The following TAFA2 variants were observed in gnomAD, a reference collection of about 807,000 sequenced individuals.
TAFA2 encodes chemokine-like protein TAFA-2.
A neutral mutation model predicts 18.8 loss-of-function variants in TAFA2; 7 were observed. That is an observed-to-expected ratio of 0.37 (90% CI 0.21 to 0.70). TAFA2 has a LOEUF of 0.70. Among genes scored for constraint, TAFA2 ranks in the 30% least tolerant of loss-of-function variants. TAFA2 has a pLI of 0.53. For missense variants in TAFA2, 122 were observed against 158.1 expected, an observed-to-expected ratio of 0.77 and a Z score of 1.23; for synonymous variants, 60 against 54.2, an observed-to-expected ratio of 1.11 and a Z score of -0.47.
At chr12:62,150,474 C>T (rs1302081263) in intron 1 of TAFA2, among the ~76,000 whole-genome samples, 1 of 152,138 alleles carries the variant, frequency 6.6e-6, no homozygotes, top group Non-Finnish European at 1.5e-5. Context: ...GACTGAGCCC[C>T]TCTTCCAACC....
intron 1 of TAFA2, among the ~76,000 whole-genome samples, chr12:62,099,700 A>G (rs1869104698): frequency 6.6e-6 from 1 of 152,174 alleles, no homozygotes; most frequent in Non-Finnish European, 1.5e-5. Context: ...AGAGCCAGCA[A>G]TATGCCAGGC....
At chr12:61,812,779 A>G (rs999344886) in intron 2 of TAFA2, among the ~76,000 whole-genome samples, 1 of 151,162 alleles carries the variant, frequency 6.6e-6, no homozygotes, top group Non-Finnish European at 1.5e-5. Flanking sequence ...CATGTTGGTC[A>G]GGCTGGTCTT....
At chr12:61,970,336 G>C (rs1297199360) in intron 1 of TAFA2, among the ~76,000 whole-genome samples, 3 of 151,454 alleles carry the variant, frequency 2.0e-5, no homozygotes, top group South Asian at 2.1e-4. Flanking sequence ...ATTCATATCT[G>C]ATTTTTTTGG....
chr12:61,823,009 T>C (rs1050767730), intron 2 of TAFA2, among the ~76,000 whole-genome samples: 1 of 152,166 alleles, frequency 6.6e-6, no homozygotes, highest in Non-Finnish European at 1.5e-5. Flanking sequence ...CAGAGTTTTA[T>C]CAAACATAGG....
intron 1 of TAFA2, among the ~76,000 whole-genome samples, chr12:62,059,885 A>T (rs348666): frequency 0.83 from 125,793 of 152,172 alleles, 52,173 homozygotes; most frequent in Middle Eastern, 0.87. Flanking sequence ...TTTAATTTGA[A>T]CTTTTATTTC....
intron 1 of TAFA2, among the ~76,000 whole-genome samples, chr12:62,066,973 T>C (rs1206990800): frequency 6.6e-6 from 1 of 152,034 alleles, no homozygotes; most frequent in Non-Finnish European, 1.5e-5. Flanking sequence ...TCCTCAGCAT[T>C]TGTTATTGCT....
intron 4 of TAFA2, among the ~76,000 whole-genome samples, chr12:61,744,109 T>G (rs991749871): frequency 2.6e-5 from 4 of 152,120 alleles, no homozygotes; most frequent in African/African-American, 9.7e-5. Flanking sequence ...CCTGACAGAA[T>G]TTTATCTATC....
intron 1 of TAFA2, among the ~76,000 whole-genome samples, chr12:62,049,413 C>T (rs548126113): frequency 2.2e-4 from 33 of 152,196 alleles, no homozygotes; most frequent in Non-Finnish European, 2.6e-4. Flanking sequence ...ATTACTCAGG[C>T]AAGAAGTACC....
intron 1 of TAFA2, among the ~76,000 whole-genome samples, chr12:62,080,732 C>T (rs1868305277): frequency 6.6e-6 from 1 of 152,080 alleles, no homozygotes; most frequent in African/African-American, 2.4e-5. Context: ...GTCATAAATA[C>T]AGTCATAAAT....
intron 1 of TAFA2, among the ~76,000 whole-genome samples, chr12:61,969,643 T>C (rs1407196315): frequency 2.0e-5 from 3 of 151,636 alleles, no homozygotes; most frequent in Non-Finnish European, 4.4e-5. Flanking sequence ...AGTGAACTCA[T>C]AGTCTAATAG....
At chr12:61,839,119 A>AT (rs1451442995) in intron 2 of TAFA2, among the ~76,000 whole-genome samples, 4 of 152,052 alleles carry the variant, frequency 2.6e-5, no homozygotes, top group African/African-American at 9.7e-5. Context: ...AAAGCAGACA[A>AT]TTTTTTGTTC....
chr12:62,145,617 T>A (rs1185339735), intron 1 of TAFA2: 1 of 152,190 alleles, frequency 6.6e-6, no homozygotes, highest in Non-Finnish European at 1.5e-5. Flanking sequence ...TCTGGGACAT[T>A]CTCCTCCCTG....
At chr12:61,931,811 A>G (rs896905150) in intron 1 of TAFA2, among the ~76,000 whole-genome samples, 1 of 152,226 alleles carries the variant, frequency 6.6e-6, no homozygotes, top group Non-Finnish European at 1.5e-5. Context: ...TGGAACACAA[A>G]AAGTAATATA....
intron 1 of TAFA2, among the ~76,000 whole-genome samples, chr12:61,925,579 A>G (rs1877253794): frequency 6.6e-6 from 1 of 152,172 alleles, no homozygotes; most frequent in Non-Finnish European, 1.5e-5. Flanking sequence ...TGAAACCAGA[A>G]TCTCTTAAAT....
chr12:62,189,735 T>C (rs753247526), intron 1 of TAFA2, among the ~76,000 whole-genome samples: 7 of 152,214 alleles, frequency 4.6e-5, no homozygotes, highest in Non-Finnish European at 2.9e-5. Context: ...TGTCTTAACT[T>C]ATATGCCTAA....
chr12:61,961,457 C>A (rs1878882831), intron 1 of TAFA2, among the ~76,000 whole-genome samples: 2 of 151,956 alleles, frequency 1.3e-5, no homozygotes, highest in Admixed American at 6.6e-5. Flanking sequence ...AAAATGTATT[C>A]TAGAGTTAAA....
upstream of TAFA2, among the ~76,000 whole-genome samples, chr12:62,195,720 C>T (rs1455287627): frequency 6.6e-6 from 1 of 152,176 alleles, no homozygotes; most frequent in African/African-American, 2.4e-5. Context: ...AACAAATGTG[C>T]TGCTATCAGG....
At chr12:62,231,206 T>TATA (rs1179559199) in intron 1 of TAFA2, among the ~76,000 whole-genome samples, 1 of 152,210 alleles carries the variant, frequency 6.6e-6, no homozygotes, top group Non-Finnish European at 1.5e-5. Flanking sequence ...TTGCTTTATA[T>TATA]ATTTGCTTTA....
At chr12:62,088,561 G>A (rs1036157911) in intron 1 of TAFA2, among the ~76,000 whole-genome samples, 1 of 136,754 alleles carries the variant, frequency 7.3e-6, no homozygotes, top group Non-Finnish European at 1.5e-5. Context: ...GCTACGAAGA[G>A]ATAGAAAAGA....
Sources: gnomAD v4.1 joint callset for allele counts (sites outside exome capture counted in the v4.1 genomes callset) on GRCh38, gnomAD v4.1.1 for gene constraint, MANE v1.5 for transcripts, NCBI Gene and HGNC (gene_info 2026-07-23, HGNC 2026-07-21) for gene names.